Variants in FAF1 observed in about 807,000 individuals in gnomAD.
The protein encoded by FAF1 is FAS-associated factor 1.
A neutral mutation model predicts 92.5 loss-of-function variants in FAF1; 25 were observed. That is an observed-to-expected ratio of 0.27 (90% CI 0.20 to 0.38). The LOEUF is 0.38. FAF1 is among the 10% of genes least tolerant of loss of function. The pLI is 1.00. For synonymous variants in FAF1, 234 were observed against 273.2 expected (o/e 0.86, Z 1.42); for missense variants, 636 against 793.3 (o/e 0.80, Z 2.38).
intron 4 of FAF1, among the ~76,000 whole-genome samples, chr1:50,776,575 T>G (rs1029405124): frequency 4.0e-5 from 6 of 151,800 alleles, no homozygotes; most frequent in Non-Finnish European, 8.8e-5. Context: ...AAGAACAAGG[T>G]TTTTCTGAAG....
intron 6 of FAF1, among the ~76,000 whole-genome samples, chr1:50,711,886 T>C (rs934359896): frequency 2.0e-5 from 3 of 152,178 alleles, no homozygotes; most frequent in South Asian, 2.1e-4. Context: ...TCTAGCCTGC[T>C]CCATTCACTT....
chr1:50,572,804 G>C lies in FAF1; in HGVS notation c.1114-5573C>G, dbSNP rs546462565. Reference sequence around the variant, plus strand: ...GTAGTAATGAGTAGTAATAGAGGAAGTCCTGGGTTCTAGGCATGAACATCA... The same window carrying C: ...GTAGTAATGAGTAGTAATAGAGGAACTCCTGGGTTCTAGGCATGAACATCA... On this transcript the variant is annotated intron_variant, in intron 12 of 18. Coordinates refer to ENST00000396153, the MANE Select transcript of FAF1 (RefSeq NM_007051.3). Among the ~76,000 whole-genome samples, 6 of 152,310 alleles carry C rather than the reference G, an allele frequency of 3.9e-5. No individual in the cohort carries two copies. In the East Asian group the frequency reaches 1.2e-3, roughly 29 times the overall value.
At chr1:50,745,656 C>T (rs749410053) in intron 4 of FAF1, among the ~76,000 whole-genome samples, 1 of 152,160 alleles carries the variant, frequency 6.6e-6, no homozygotes, top group Non-Finnish European at 1.5e-5. Context: ...GTAAAAGCTC[C>T]CTGGGCCTCC....
chr1:50,742,823 G>T (rs1659440910), intron 5 of FAF1, among the ~76,000 whole-genome samples: 2 of 152,228 alleles, frequency 1.3e-5, no homozygotes, highest in Admixed American at 1.3e-4. Context: ...CCATGCATCA[G>T]CAGCAGCGGG....
chr1:50,708,111 C>T (rs1657766268), intron 6 of FAF1, among the ~76,000 whole-genome samples: 1 of 152,120 alleles, frequency 6.6e-6, no homozygotes, highest in African/African-American at 2.4e-5. Flanking sequence ...CCCGGCCCGC[C>T]CCTGGAACAT....
chr1:50,918,327 T>C (rs1360497561), intron 1 of FAF1, among the ~76,000 whole-genome samples: 2 of 106,648 alleles, frequency 1.9e-5, no homozygotes, highest in Non-Finnish European at 3.8e-5. Flanking sequence ...TATCTCCCAA[T>C]GCTATCCCTC....
intron 15 of FAF1, among the ~76,000 whole-genome samples, chr1:50,496,772 C>G (rs894376994): frequency 3.3e-5 from 5 of 152,004 alleles, no homozygotes; most frequent in African/African-American, 1.2e-4. Flanking sequence ...GCCCGTAATC[C>G]CAGCTCCTTG....
chr1:50,685,529 T>G (rs1464943427), intron 7 of FAF1, among the ~76,000 whole-genome samples: 2 of 152,214 alleles, frequency 1.3e-5, no homozygotes, highest in Non-Finnish European at 2.9e-5. Context: ...TGTGAACTCT[T>G]AAATACTACT....
chr1:50,527,902 T>G (rs202225053), intron 15 of FAF1, among the ~76,000 whole-genome samples: 2 of 143,594 alleles, frequency 1.4e-5, no homozygotes, highest in East Asian at 4.2e-4. Context: ...AGACAGGGTC[T>G]TACTCTTGCC....
At chr1:50,580,582 G>T (rs1041037301) in intron 12 of FAF1, among the ~76,000 whole-genome samples, 3 of 151,702 alleles carry the variant, frequency 2.0e-5, no homozygotes, top group Admixed American at 6.6e-5. Flanking sequence ...TACTATAAAA[G>T]AAGTTATAAT....
At chr1:50,582,403 G>A (rs920919793) in intron 12 of FAF1, 3 of 443,444 alleles carry the variant, frequency 6.8e-6, no homozygotes, top group African/African-American at 5.9e-5. Context: ...AACAGAAAAC[G>A]GTGCTTGCTT....
chr1:50,682,890 G>C (rs569307353), intron 7 of FAF1, among the ~76,000 whole-genome samples: 1 of 151,206 alleles, frequency 6.6e-6, no homozygotes, highest in African/African-American at 2.4e-5. Context: ...TCAGGTGATC[G>C]AGACCATACT....
Position 50,441,250 on chromosome 1 carries a change from A to G in FAF1, c.*190T>C. The G allele has an allele frequency of 3.9e-6, 2 of 506,816 alleles. No homozygotes were observed. Among genetic ancestry groups the G allele is most frequent in the Non-Finnish European group, 7.0e-6 (2 of 284,008 alleles). 31.4% of individuals were successfully genotyped at this position (506,816 alleles called of 1,614,324 possible). On this transcript the variant is annotated 3_prime_UTR_variant, in exon 19 of 19. Coordinates refer to ENST00000396153, the MANE Select transcript of FAF1 (RefSeq NM_007051.3). ...TAATTCTCTGTAATAAGGGTTGGGAATATATACTCATGGATGGGAAATCTT... is the reference window on the plus strand; with the variant it reads ...TAATTCTCTGTAATAAGGGTTGGGAGTATATACTCATGGATGGGAAATCTT...
At chr1:50,900,784 T>C (rs996091120) in intron 1 of FAF1, among the ~76,000 whole-genome samples, 2 of 152,202 alleles carry the variant, frequency 1.3e-5, no homozygotes, top group African/African-American at 4.8e-5. Flanking sequence ...TAGTATAGCC[T>C]CAAATGAGTA....
rs138079375 is a variant in FAF1 at position 50,740,316 on chromosome 1, TAA to T, written c.460-1364_460-1363del. On this transcript the variant is annotated intron_variant, in intron 5 of 18. Transcript: ENST00000396153. Reference sequence around the variant, plus strand: ...AGAATGTGACATTTGAGCAAAAACTTAAAAGGTGAAGGAAGCAAACCATGAGA... The same window carrying T: ...AGAATGTGACATTTGAGCAAAAACTTAAGGTGAAGGAAGCAAACCATGAGA... Among the ~76,000 whole-genome samples, 389 of 152,114 alleles carry T rather than the reference TAA, an allele frequency of 2.6e-3. 1 individual carries two copies. The highest frequency in any genetic ancestry group is 9.1e-3 in the African/African-American group (376 of 41,492).
At chr1:50,826,911 C>T (rs879451409) in intron 2 of FAF1, among the ~76,000 whole-genome samples, 5 of 152,028 alleles carry the variant, frequency 3.3e-5, no homozygotes, top group Admixed American at 6.6e-5. Flanking sequence ...TGCCCAGCCG[C>T]CCCGTCTGGG....
chr1:50,451,975 G>C, intron 18 of FAF1: 2 of 1,176,268 alleles, frequency 1.7e-6, no homozygotes, highest in Non-Finnish European at 2.1e-6. Flanking sequence ...CCTTGCAGTG[G>C]TATCCTTGAT....
rs78111033 is a variant in FAF1 at position 50,494,743 on chromosome 1, C to T, written c.1495-2942G>A. On this transcript the variant is annotated intron_variant, in intron 15 of 18. Coordinates refer to ENST00000396153, the MANE Select transcript of FAF1 (RefSeq NM_007051.3). ...TAAAAGACTCTATTTCATATGTCTT[C>T]GTATTTCCTATAGCATCTAGCATAC... Among the ~76,000 whole-genome samples the T allele has an allele frequency of 1.8e-3, 274 of 152,286 alleles. 1 individual carries two copies. The highest frequency in any genetic ancestry group is 5.0e-3 in the African/African-American group (206 of 41,574).
chr1:50,491,844 T>C, intron 15 of FAF1, 43 bp from the exon 16 acceptor site: 2 of 1,480,882 alleles, frequency 1.4e-6, no homozygotes, highest in East Asian at 2.3e-5. Flanking sequence ...TATAACTTTT[T>C]TTTGAAAAAA....
Sources: allele counts gnomAD v4.1 joint callset (sites outside exome capture counted in the v4.1 genomes callset), GRCh38; gene constraint gnomAD v4.1.1; transcripts MANE v1.5; gene names NCBI Gene and HGNC (gene_info 2026-07-23, HGNC 2026-07-21).